SLC35F3: variants seen among roughly 807,000 people sequenced by gnomAD.
SLC35F3 encodes the protein solute carrier family 35 member F3, also known as putative thiamine transporter SLC35F3.
A neutral mutation model predicts 49.9 loss-of-function variants in SLC35F3; 25 were observed. That is an observed-to-expected ratio of 0.50 (90% CI 0.37 to 0.70). The LOEUF (loss-of-function observed/expected upper bound fraction) is 0.70. SLC35F3 is among the 30% of genes least tolerant of loss of function. The probability of loss-of-function intolerance (pLI) is 0.00; values close to 1 mark genes in which losing one functional copy is unlikely to be tolerated. For synonymous variants in SLC35F3, 275 were observed against 265.4 expected (o/e 1.04, Z -0.35); for missense variants, 525 against 639.8 (o/e 0.82, Z 1.94).
At chr1:234,029,093 A>G (rs1664020115) in intron 2 of SLC35F3, among the ~76,000 whole-genome samples, 1 of 152,210 alleles carries the variant, frequency 6.6e-6, no homozygotes, top group Admixed American at 6.5e-5. Flanking sequence ...TTTCATTCGA[A>G]AAACATCGGT....
intron 2 of SLC35F3, among the ~76,000 whole-genome samples, chr1:234,195,386 T>G (rs1215965056): frequency 2.0e-5 from 3 of 152,212 alleles, no homozygotes; most frequent in African/African-American, 4.8e-5. Context: ...TTATTCAGGC[T>G]TATTTGCCCC....
intron 3 of SLC35F3, among the ~76,000 whole-genome samples, chr1:234,247,812 T>TTGATGGG (rs1274982498): frequency 0.59 from 83,109 of 140,166 alleles, 33,358 homozygotes; most frequent in East Asian, 0.65. Context: ...GGTCCATTGT[T>TTGATGGG]TCATGGGTCA....
rs577090972 is a variant in SLC35F3, at chr1:233,978,165, A to C, written c.283+72407A>C. On this transcript the variant is annotated intron_variant, in intron 2 of 7. Transcript: ENST00000366618. Reference sequence around the variant, plus strand: ...ACTGGAGGAGGCAAGGCTCTGAAGAAGGAAAAAAAAAGGTAGTAAAGGGAG... The same window carrying C: ...ACTGGAGGAGGCAAGGCTCTGAAGACGGAAAAAAAAAGGTAGTAAAGGGAG... 4.1e-4 allele frequency among the ~76,000 whole-genome samples: 63 copies of C among 152,260 alleles called. 1 individual carries two copies. The South Asian group carries it at 8.7e-3, about 21-fold the overall frequency.
chr1:234,143,995 G>A (rs577711669), intron 2 of SLC35F3, among the ~76,000 whole-genome samples: 9 of 152,260 alleles, frequency 5.9e-5, no homozygotes, highest in African/African-American at 2.2e-4. Context: ...TCAGTCTAAG[G>A]TAGCCAAGAG....
chr1:233,934,403 C>T (rs908960852), intron 2 of SLC35F3, among the ~76,000 whole-genome samples: 4 of 152,108 alleles, frequency 2.6e-5, no homozygotes, highest in South Asian at 2.1e-4. Context: ...TCAACCTTCA[C>T]GAATACACCC....
chr1:234,283,950 G>A (rs1668369041), intron 3 of SLC35F3, among the ~76,000 whole-genome samples: 1 of 152,150 alleles, frequency 6.6e-6, no homozygotes, highest in Admixed American at 6.5e-5. Context: ...CTGTCACCCA[G>A]GCTGGAGTGC....
intron 2 of SLC35F3, among the ~76,000 whole-genome samples, chr1:234,086,766 A>T (rs553550498): frequency 2.6e-5 from 4 of 152,228 alleles, no homozygotes; most frequent in Middle Eastern, 3.4e-3. Context: ...GTTCAGGAGG[A>T]TGATGATGTT....
At chr1:234,135,453 T>A (rs1334604380) in intron 2 of SLC35F3, among the ~76,000 whole-genome samples, 1 of 152,208 alleles carries the variant, frequency 6.6e-6, no homozygotes, top group African/African-American at 2.4e-5. Flanking sequence ...GGCACCTGCA[T>A]TCAGGGTCAC....
chr1:234,104,496 T>G (rs535291223), intron 2 of SLC35F3, among the ~76,000 whole-genome samples: 1 of 152,200 alleles, frequency 6.6e-6, no homozygotes, highest in South Asian at 2.1e-4. Flanking sequence ...CAACAGCCAA[T>G]TACAAGTCAC....
chr1:234,070,698 A>G (rs1172927708), intron 2 of SLC35F3, among the ~76,000 whole-genome samples: 1 of 152,186 alleles, frequency 6.6e-6, no homozygotes, highest in Admixed American at 6.5e-5. Flanking sequence ...AACAATTCAT[A>G]TTAGTTAACA....
At chr1:234,198,784 G>A (rs946442044) in intron 2 of SLC35F3, among the ~76,000 whole-genome samples, 2 of 152,056 alleles carry the variant, frequency 1.3e-5, no homozygotes, top group Non-Finnish European at 2.9e-5. Context: ...CTATTCTTTA[G>A]CAATTTTGAA....
At chr1:234,265,933 G>A (rs544719206) in intron 3 of SLC35F3, among the ~76,000 whole-genome samples, 198 of 152,086 alleles carry the variant, frequency 1.3e-3, no homozygotes, top group Middle Eastern at 3.4e-3. Flanking sequence ...TTCCCATGAC[G>A]TCTGCAGGCC....
chr1:234,082,006 C>T (rs532336927), intron 2 of SLC35F3, among the ~76,000 whole-genome samples: 4 of 148,446 alleles, frequency 2.7e-5, no homozygotes, highest in Admixed American at 2.1e-4. Context: ...CCACCCACCT[C>T]GGCCTCCCTA....
chr1:234,043,971 T>C (rs917332231), intron 2 of SLC35F3, among the ~76,000 whole-genome samples: 3 of 152,208 alleles, frequency 2.0e-5, no homozygotes, highest in Non-Finnish European at 4.4e-5. Flanking sequence ...CCAAAACTTA[T>C]GTTGAAATTT....
intron 2 of SLC35F3, among the ~76,000 whole-genome samples, chr1:233,994,928 T>G (rs948482658): frequency 3.3e-5 from 5 of 152,154 alleles, no homozygotes; most frequent in Non-Finnish European, 7.4e-5. Context: ...ATTCTGGAGA[T>G]AGCTCACCTT....
intron 2 of SLC35F3, among the ~76,000 whole-genome samples, chr1:234,071,035 A>G (rs904638969): frequency 1.3e-4 from 20 of 152,200 alleles, no homozygotes; most frequent in African/African-American, 4.1e-4. Context: ...TCACGACTCT[A>G]TCAGAGAAAG....
intron 2 of SLC35F3, among the ~76,000 whole-genome samples, chr1:234,098,978 G>A (rs1280970031): frequency 6.6e-6 from 1 of 152,048 alleles, no homozygotes; most frequent in African/African-American, 2.4e-5. Flanking sequence ...GGTGGTGACT[G>A]TGTTGCTGGT....
intron 2 of SLC35F3, among the ~76,000 whole-genome samples, chr1:233,942,738 T>G (rs1450920447): frequency 6.6e-6 from 1 of 152,202 alleles, no homozygotes; most frequent in Non-Finnish European, 1.5e-5. Flanking sequence ...AACAAATGTT[T>G]AAGTGCAAAT....
chr1:234,280,788 C>A (rs1410393613), intron 3 of SLC35F3, among the ~76,000 whole-genome samples: 1 of 152,312 alleles, frequency 6.6e-6, no homozygotes, highest in Non-Finnish European at 1.5e-5. Context: ...GTTCCTTTTG[C>A]AAATGGGGAA....
Sources: allele counts gnomAD v4.1 joint callset (sites outside exome capture counted in the v4.1 genomes callset), GRCh38; gene constraint gnomAD v4.1.1; transcripts MANE v1.5; gene names NCBI Gene and HGNC (gene_info 2026-07-23, HGNC 2026-07-21).